The following GPM6A variants were observed in gnomAD, a reference collection of about 807,000 sequenced individuals.
GPM6A encodes the protein neuronal membrane glycoprotein M6-a.
GPM6A carries 7 observed loss-of-function variants against 32.1 expected under a neutral mutation model. That is an observed-to-expected ratio of 0.22 (90% CI 0.12 to 0.41). The LOEUF is 0.41. GPM6A is among the 10% of genes least tolerant of loss of function. The probability of loss-of-function intolerance (pLI) is 1.00; values close to 1 mark genes in which losing one functional copy is unlikely to be tolerated. For synonymous variants in GPM6A, 130 were observed against 123.4 expected, an observed-to-expected ratio of 1.05 and a Z score of -0.35; for missense variants, 235 against 347.2, an observed-to-expected ratio of 0.68 and a Z score of 2.57.
intron 1 of GPM6A, among the ~76,000 whole-genome samples, chr4:175,970,539 A>C (rs768421246): frequency 6.6e-6 from 1 of 152,220 alleles, no homozygotes. Context: ...GAATACACAG[A>C]AAGAGTTGGA....
chr4:175,637,547 A>T (rs1740796642), intron 6 of GPM6A, among the ~76,000 whole-genome samples: 1 of 10,224 alleles, frequency 9.8e-5, no homozygotes, highest in South Asian at 4.1e-3. Context: ...ACAATATATT[A>T]TATATTATAT....
intron 1 of GPM6A, among the ~76,000 whole-genome samples, chr4:175,880,614 A>G (rs1737242299): frequency 1.3e-5 from 2 of 152,046 alleles, no homozygotes; most frequent in Non-Finnish European, 2.9e-5. Context: ...TCCCTTGCAA[A>G]TTGGATTCCT....
At chr4:175,656,313 T>C (rs1358284834) in intron 3 of GPM6A, among the ~76,000 whole-genome samples, 1 of 152,156 alleles carries the variant, frequency 6.6e-6, no homozygotes, top group Non-Finnish European at 1.5e-5. Flanking sequence ...ATAATCATTT[T>C]AGTAGCATTT....
At chr4:175,815,887 T>C (rs143338541), upstream of GPM6A, among the ~76,000 whole-genome samples, 2 of 152,158 alleles carry the variant, frequency 1.3e-5, no homozygotes, top group Non-Finnish European at 2.9e-5. Context: ...CCAGTTAATT[T>C]TGTATTTTTA....
chr4:175,831,767 T>A (rs571703377), intron 1 of GPM6A, among the ~76,000 whole-genome samples: 17 of 119,404 alleles, frequency 1.4e-4, no homozygotes, highest in Non-Finnish European at 2.3e-4. Flanking sequence ...TCGCCCAGGC[T>A]GGAGTGCGCT....
chr4:175,901,342 C>A (rs1012601384), intron 1 of GPM6A, among the ~76,000 whole-genome samples: 3 of 152,012 alleles, frequency 2.0e-5, no homozygotes, highest in Non-Finnish European at 2.9e-5. Context: ...AGGATGAATA[C>A]CTCATTCTCC....
At chr4:175,845,175 C>T (rs1474103145) in intron 1 of GPM6A, among the ~76,000 whole-genome samples, 1 of 152,076 alleles carries the variant, frequency 6.6e-6, no homozygotes. Flanking sequence ...ATTACAAAAA[C>T]TGTGTGTTTT....
At chr4:175,672,718 G>A (rs1257359473) in intron 3 of GPM6A, among the ~76,000 whole-genome samples, 1 of 152,040 alleles carries the variant, frequency 6.6e-6, no homozygotes, top group Non-Finnish European at 1.5e-5. Flanking sequence ...CTCTTTGGGT[G>A]TTACAATAAG....
chr4:175,922,526 C>T (rs1738701842), intron 1 of GPM6A, among the ~76,000 whole-genome samples: 1 of 152,142 alleles, frequency 6.6e-6, no homozygotes, highest in Non-Finnish European at 1.5e-5. Context: ...CCAAAGGCTT[C>T]CAGACTTACC....
rs1395336642 is a variant in GPM6A at position 175,633,145 on chromosome 4, A to G, written c.*1760T>C. On this transcript the variant is annotated 3_prime_UTR_variant, in exon 7 of 7. Coordinates refer to ENST00000393658, the MANE Select transcript of GPM6A (RefSeq NM_201591.3). ...GTGTCAACATCATTACATAAGTTGA[A>G]AAGACAGTTTTAGAAATTATCACAA... is the stretch of plus-strand genomic sequence containing the variant. 2 of 152,496 alleles carry G rather than the reference A, an allele frequency of 1.3e-5. No homozygotes were observed. The highest frequency in any genetic ancestry group is 4.8e-5 in the African/African-American group (2 of 41,434). 9.4% of individuals were successfully genotyped at this position (152,496 alleles called of 1,614,324 possible). A position where few individuals can be genotyped will look rare whatever the true frequency, so the allele number is the denominator to read the frequency against.
At chr4:175,923,604 A>G (rs929060949) in intron 1 of GPM6A, among the ~76,000 whole-genome samples, 6 of 151,834 alleles carry the variant, frequency 4.0e-5, no homozygotes, top group Non-Finnish European at 8.8e-5. Context: ...CCCAGGCTGG[A>G]GTGCAGTGGC....
At chr4:175,848,370 A>G (rs983256654) in intron 1 of GPM6A, among the ~76,000 whole-genome samples, 24 of 152,194 alleles carry the variant, frequency 1.6e-4, no homozygotes, top group African/African-American at 5.3e-4. Flanking sequence ...TCTGGGACTC[A>G]TCAGATGACA....
At chr4:175,886,101 T>A (rs942603576) in intron 1 of GPM6A, among the ~76,000 whole-genome samples, 2 of 152,006 alleles carry the variant, frequency 1.3e-5, no homozygotes, top group African/African-American at 4.8e-5. Flanking sequence ...GAAGGCAATA[T>A]CAAAAGGAAT....
intron 1 of GPM6A, among the ~76,000 whole-genome samples, chr4:175,717,169 T>G (rs959353923): frequency 3.3e-5 from 5 of 152,140 alleles, no homozygotes; most frequent in Non-Finnish European, 7.4e-5. Flanking sequence ...TTGGCCACCT[T>G]TCAATTCGTT....
intron 1 of GPM6A, among the ~76,000 whole-genome samples, chr4:175,873,295 G>A (rs1461844168): frequency 6.6e-6 from 1 of 151,628 alleles, no homozygotes; most frequent in Non-Finnish European, 1.5e-5. Context: ...AAATTTATCA[G>A]CAAGACTGAA....
intron 1 of GPM6A, among the ~76,000 whole-genome samples, chr4:175,993,135 T>G (rs1425158190): frequency 2.7e-5 from 4 of 150,402 alleles, no homozygotes; most frequent in Admixed American, 6.6e-5. Flanking sequence ...TCCTTTCCTG[T>G]TTCCCTCCCC....
At chr4:175,937,325 A>G (rs547906349) in intron 1 of GPM6A, among the ~76,000 whole-genome samples, 1 of 152,188 alleles carries the variant, frequency 6.6e-6, no homozygotes, top group African/African-American at 2.4e-5. Flanking sequence ...ACTAGTTTAC[A>G]TACATATTAT....
intron 1 of GPM6A, among the ~76,000 whole-genome samples, chr4:175,830,536 C>T (rs901134917): frequency 2.6e-5 from 4 of 152,084 alleles, no homozygotes; most frequent in Admixed American, 2.0e-4. Flanking sequence ...ACTAATATTA[C>T]GCCCATTGTT....
In GPM6A at chr4:175,983,338, C is replaced by T. The variant is rs1428606443; in HGVS notation, c.-23+18971G>A. Among the ~76,000 whole-genome samples the T allele has an allele frequency of 1.3e-5, 2 of 152,190 alleles. 1 individual carries two copies. The highest frequency in any genetic ancestry group is 4.8e-5 in the African/African-American group (2 of 41,448). ...CAGTTGCACTGTATTTCTCATGCTT[C>T]TTTGGAGCTCTTTATATACCATGCA... On this transcript the variant is annotated intron_variant, in intron 1 of 7. Transcript: ENST00000280187.
Sources: gnomAD v4.1 joint callset for allele counts (sites outside exome capture counted in the v4.1 genomes callset) on GRCh38, gnomAD v4.1.1 for gene constraint, MANE v1.5 for transcripts, NCBI Gene and HGNC (gene_info 2026-07-23, HGNC 2026-07-21) for gene names.